The following YLPM1 variants were observed in gnomAD, a reference collection of about 807,000 sequenced individuals.
YLPM1 encodes YLP motif-containing protein 1.
A neutral mutation model predicts 230.0 loss-of-function variants in YLPM1; 99 were observed. The observed-to-expected ratio is 0.43, with a 90% CI of 0.37 to 0.51. The LOEUF is 0.51. YLPM1 is among the 20% of genes least tolerant of loss of function. The pLI is 0.00. For synonymous variants in YLPM1, 984 were observed against 942.5 expected (o/e 1.04, Z -0.81); for missense variants, 2,592 against 2,707.7 (o/e 0.96, Z 0.95).
chr14:74,827,426 A>G, intron 18 of YLPM1: 1 of 985,416 alleles, frequency 1.0e-6, no homozygotes, highest in Non-Finnish European at 1.2e-6. Context: ...GAAACTTTAA[A>G]CATATTTGCA....
At chr14:74,776,187 C>T (rs1351586318) in intron 1 of YLPM1, among the ~76,000 whole-genome samples, 2 of 152,072 alleles carry the variant, frequency 1.3e-5, no homozygotes, top group Admixed American at 1.3e-4. Flanking sequence ...TTATTACTTA[C>T]CTGTGTAGTC....
At chr14:74,768,075 T>A (rs949413460) in intron 1 of YLPM1, among the ~76,000 whole-genome samples, 5 of 152,212 alleles carry the variant, frequency 3.3e-5, no homozygotes, top group African/African-American at 1.2e-4. Context: ...GTGATTTTTT[T>A]TTTCTGCCAT....
At chr14:74,810,807 T>C (rs2091426995) in intron 9 of YLPM1, among the ~76,000 whole-genome samples, 1 of 152,026 alleles carries the variant, frequency 6.6e-6, no homozygotes, top group Admixed American at 6.5e-5. Flanking sequence ...CCATGAACTA[T>C]TTATTTATTT....
At chr14:74,822,007 G>C (rs186826462) in intron 17 of YLPM1, 1 of 152,098 alleles carries the variant, frequency 6.6e-6, no homozygotes, top group Non-Finnish European at 1.5e-5. Context: ...CATCGAACCC[G>C]TGTGTGATAT....
intron 1 of YLPM1, among the ~76,000 whole-genome samples, chr14:74,769,851 ACCCCCCCCCCCGC>A (rs1038820566): frequency 1.3e-5 from 1 of 76,734 alleles, no homozygotes; most frequent in Non-Finnish European, 2.6e-5. Flanking sequence ...AAAGTGAGAC[ACCCCCCCCCCCGC>A]CCCCCGCCCA....
intron 19 of YLPM1, among the ~76,000 whole-genome samples, chr14:74,833,048 C>T (rs2091619802): frequency 6.7e-6 from 1 of 148,292 alleles, no homozygotes; most frequent in African/African-American, 2.5e-5. Context: ...TTCAATGAGC[C>T]TTACCATATA....
Position 74,781,811 on chromosome 14 carries a change from G to A in YLPM1, c.1768G>A (p.Val590Ile). Residue 590 changes from valine (V) to isoleucine (I), a missense_variant, in exon 4 of 21, where the codon GTT (valine) becomes ATT (isoleucine). Val to Ile is a conservative substitution (Grantham distance 29, BLOSUM62 3). Coordinates refer to ENST00000325680, the MANE Select transcript of YLPM1 (RefSeq NM_019589.3). ...TCTCTCTTCTGCAGGGCCACCACCA[G>A]TTCTCCCCCCACCTTCCCTGTCTTC... ...PSLSSAGPPPVLPPPSLSSAG... is the reference protein window; with the variant it reads ...PSLSSAGPPPILPPPSLSSAG... 1.2e-6 allele frequency: 2 copies of A among 1,609,456 alleles called. No individual in the cohort carries two copies. The highest frequency in any genetic ancestry group is 1.7e-6 in the Non-Finnish European group (2 of 1,178,542).
chr14:74,783,355 G>A (rs537200803), intron 4 of YLPM1, among the ~76,000 whole-genome samples: 287 of 152,248 alleles, frequency 1.9e-3, no homozygotes, highest in African/African-American at 6.7e-3. Flanking sequence ...CCAAAGTGCT[G>A]GGATTACAGG....
chr14:74,764,323 A>G lies in YLPM1; in HGVS notation c.834A>G (p.Gln278=). The change falls in exon 1 of 21, where the codon CAA becomes CAG. Residue 278 remains glutamine, a synonymous_variant. Transcript: ENST00000325680. ...AAAACAAGAGTACTGAACAGCAGCA[A>G]GCCGCCCCTGAGCCAGATCCCTCTA... is the stretch of plus-strand genomic sequence containing the variant. ...GAKNKSTEQQ[Q]AAPEPDPSTM... 6.2e-7 allele frequency: 1 copy of G among 1,613,290 alleles called. No individual in the cohort carries two copies. The highest frequency in any genetic ancestry group is 8.5e-7 in the Non-Finnish European group (1 of 1,179,552).
intron 9 of YLPM1, 106 bp downstream of exon 9, chr14:74,810,526 T>C: frequency 8.3e-7 from 1 of 1,201,822 alleles, no homozygotes; most frequent in Non-Finnish European, 1.2e-6. Context: ...TGCATGTGTA[T>C]ATGTAATTTG....
Position 74,764,369 on chromosome 14 carries a change from A to G in YLPM1, c.873+7A>G, listed in dbSNP as rs1322253682. 2 of 1,596,912 alleles carry G rather than the reference A, an allele frequency of 1.3e-6. No individual in the cohort carries two copies. The highest frequency in any genetic ancestry group is 2.7e-5 in the African/African-American group (2 of 74,504). ...CTCTACGATGACTCCACAGGTAAGA[A>G]AGCATCTGCCTGAACCTCATCTTTC... On this transcript the variant is annotated splice_region_variant and intron_variant, in intron 1 of 20. Coordinates refer to ENST00000325680, the MANE Select transcript of YLPM1 (RefSeq NM_019589.3).
In YLPM1 at chr14:74,782,267, G is replaced by C; in HGVS notation, c.2224G>C (p.Gly742Arg). ...TAVKDMPVRS[G>R]GLLPDPPRSS... The stretch of plus-strand genomic sequence containing the variant: ...AGTGAAGGACATGCCAGTGAGATCA[G>C]GTGGCCTGCTTCCAGATCCTCCTAG... Residue 742 changes from glycine to arginine, a missense_variant, in exon 4 of 21, where the codon GGT becomes CGT. Physicochemically the swap from Gly to Arg is moderately radical, Grantham distance 125. Transcript: ENST00000325680. 2.5e-6 allele frequency: 4 copies of C among 1,580,022 alleles called. No homozygotes were observed. Among genetic ancestry groups the C allele is most frequent in the Non-Finnish European group, 3.4e-6 (4 of 1,171,780 alleles).
At chr14:74,782,454 C>A (rs565661084) in intron 4 of YLPM1, 129 bp downstream of exon 4, 18 of 1,085,140 alleles carry the variant, frequency 1.7e-5, no homozygotes, top group Non-Finnish European at 2.1e-5. Flanking sequence ...ATATTGTCTG[C>A]TTGTTAAGAC....
chr14:74,766,030 A>G (rs558214782), intron 1 of YLPM1, among the ~76,000 whole-genome samples: 3 of 152,294 alleles, frequency 2.0e-5, no homozygotes, highest in African/African-American at 7.2e-5. Flanking sequence ...GCATATCTCA[A>G]ATATCAAGGT....
intron 2 of YLPM1, among the ~76,000 whole-genome samples, chr14:74,779,405 A>C (rs1224570298): frequency 6.6e-6 from 1 of 152,158 alleles, no homozygotes; most frequent in Admixed American, 6.5e-5. Context: ...GGGTATATTC[A>C]ATAGTAGCTA....
At chr14:74,802,716 A>G in intron 6 of YLPM1, 40 bp downstream of exon 6, 2 of 1,556,850 alleles carry the variant, frequency 1.3e-6, no homozygotes, top group Non-Finnish European at 1.7e-6. Flanking sequence ...AATGGTTTCT[A>G]CTTTGTATGT....
chr14:74,769,242 T>C (rs1407029814), intron 1 of YLPM1, among the ~76,000 whole-genome samples: 5 of 142,966 alleles, frequency 3.5e-5, no homozygotes, highest in African/African-American at 1.3e-4. Flanking sequence ...GCCCGGCTAA[T>C]TTTTTTGTAT....
chr14:74,778,968 GTAGC>G (rs527588580), intron 2 of YLPM1, among the ~76,000 whole-genome samples: 129 of 152,258 alleles, frequency 8.5e-4, no homozygotes, highest in Non-Finnish European at 1.7e-3. Flanking sequence ...AGCCTCCTGA[GTAGC>G]TGGGATGACA....
chr14:74,807,202 A>G (rs572640947), intron 6 of YLPM1, among the ~76,000 whole-genome samples: 1 of 152,248 alleles, frequency 6.6e-6, no homozygotes, highest in African/African-American at 2.4e-5. Flanking sequence ...ATATATGGGC[A>G]AATATATAAA....
Sources: allele counts gnomAD v4.1 joint callset (sites outside exome capture counted in the v4.1 genomes callset), GRCh38; gene constraint gnomAD v4.1.1; transcripts MANE v1.5; gene names NCBI Gene and HGNC (gene_info 2026-07-23, HGNC 2026-07-21).